The following PRICKLE2 variants were observed in gnomAD, a reference collection of about 807,000 sequenced individuals.
PRICKLE2 encodes prickle planar cell polarity protein 2.
In PRICKLE2, 21 loss-of-function variants were observed where a neutral mutation model predicts 81.4. The ratio of observed to expected loss-of-function variants is 0.26; its 90% CI spans 0.18 to 0.37. The LOEUF is 0.37. Ranked by LOEUF, PRICKLE2 falls within the 10% of genes least tolerant of loss-of-function variation. The pLI is 1.00. For missense variants in PRICKLE2, 940 were observed against 1,109.0 expected, an observed-to-expected ratio of 0.85 and a Z score of 2.16; for synonymous variants, 456 against 421.5, an observed-to-expected ratio of 1.08 and a Z score of -1.00.
At chr3:64,260,130 A>G (rs572599387) in intron 2 of PRICKLE2, among the ~76,000 whole-genome samples, 2 of 152,280 alleles carry the variant, frequency 1.3e-5, no homozygotes, top group East Asian at 3.9e-4. Context: ...TCCCTTATGA[A>G]TCTTTGAGAA....
At chr3:64,226,348 A>T (rs139211611), upstream of PRICKLE2, among the ~76,000 whole-genome samples, 410 of 152,316 alleles carry the variant, frequency 2.7e-3, 3 homozygotes, top group Middle Eastern at 0.02. Flanking sequence ...GAAGAAAGGA[A>T]TCTATACATT....
At position 64,147,663 on chromosome 3, in the gene PRICKLE2, C is replaced by T. The variant is rs752431623; in HGVS notation, c.827G>A (p.Trp276Ter). 6.2e-7 allele frequency: 1 copy of T among 1,613,974 alleles called. No homozygotes were observed. Among genetic ancestry groups the T allele is most frequent in the South Asian group, 1.1e-5 (1 of 91,084 alleles). The change falls in exon 7 of 8, where the codon TGG (tryptophan) becomes TAG (stop). Residue 276 changes from tryptophan (W) to a stop codon, truncating the protein, a stop_gained. Transcript: ENST00000638394. LOFTEE classifies it high-confidence loss of function. This position sits in a 1 kb window ranked among gnomAD's most constrained non-coding sequence, Gnocchi z 5.0. ...GCAGAAACAGGTCTCAGTGGCATGCCAGTGTTGGCCATCATAGGTCATTTG... is the reference window on the plus strand; with the variant it reads ...GCAGAAACAGGTCTCAGTGGCATGCTAGTGTTGGCCATCATAGGTCATTTG... ...QGQMTYDGQH[W>*]HATETCFCCA...
intron 7 of PRICKLE2, among the ~76,000 whole-genome samples, chr3:64,106,304 C>G (rs114168449): frequency 0.022 from 3,385 of 152,252 alleles, 57 homozygotes; most frequent in Non-Finnish European, 0.036. Context: ...GGCCAGTGAA[C>G]CAAATCCAGC....
intron 2 of PRICKLE2, chr3:64,163,331 T>C (rs948670498): frequency 2.8e-5 from 17 of 614,970 alleles, no homozygotes; most frequent in South Asian, 1.1e-4. Context: ...ATCATCCATA[T>C]CTGGGATTTT....
At chr3:64,117,553 A>G (rs1456861049) in intron 7 of PRICKLE2, among the ~76,000 whole-genome samples, 2 of 152,206 alleles carry the variant, frequency 1.3e-5, no homozygotes, top group African/African-American at 4.8e-5. Flanking sequence ...CCTATATACC[A>G]ACAATAGTCA....
upstream of PRICKLE2, among the ~76,000 whole-genome samples, chr3:64,226,268 T>C (rs1452646496): frequency 6.6e-6 from 1 of 152,196 alleles, no homozygotes; most frequent in Non-Finnish European, 1.5e-5. Context: ...GATAGAGCTT[T>C]TGTTGAATAC....
At chr3:64,117,871 C>CA (rs1559518877) in intron 7 of PRICKLE2, among the ~76,000 whole-genome samples, 1 of 151,862 alleles carries the variant, frequency 6.6e-6, no homozygotes, top group Non-Finnish European at 1.5e-5. Flanking sequence ...CATATGGAAA[C>CA]AAAAAAGAGC....
intron 2 of PRICKLE2, among the ~76,000 whole-genome samples, chr3:64,181,298 C>T (rs755760529): frequency 1.3e-5 from 2 of 152,082 alleles, no homozygotes; most frequent in Non-Finnish European, 2.9e-5. Flanking sequence ...GAGACAAGCA[C>T]TCAGCATCAA....
At chr3:64,195,211 G>A (rs892511104) in intron 2 of PRICKLE2, among the ~76,000 whole-genome samples, 1 of 152,150 alleles carries the variant, frequency 6.6e-6, no homozygotes, top group Admixed American at 6.5e-5. Context: ...GAGATCACAA[G>A]ATAAATGCCT....
chr3:64,171,119 G>C (rs367728349), intron 2 of PRICKLE2, among the ~76,000 whole-genome samples: 1 of 151,992 alleles, frequency 6.6e-6, no homozygotes, highest in East Asian at 1.9e-4. Flanking sequence ...CCATTCCCTC[G>C]GCCTGAAAGG....
chr3:64,200,403 T>C (rs1447714158), intron 1 of PRICKLE2: 1 of 152,246 alleles, frequency 6.6e-6, no homozygotes, highest in Non-Finnish European at 1.5e-5. Flanking sequence ...ATGGCTTTTA[T>C]GAATAATGAT....
At chr3:64,141,265 A>C (rs558480344) in intron 7 of PRICKLE2, among the ~76,000 whole-genome samples, 1 of 152,206 alleles carries the variant, frequency 6.6e-6, no homozygotes, top group Admixed American at 6.5e-5. Flanking sequence ...AGAATGCCCA[A>C]GTTTAAATTC....
chr3:64,168,014 G>C (rs965110642), intron 2 of PRICKLE2, among the ~76,000 whole-genome samples: 2 of 152,156 alleles, frequency 1.3e-5, no homozygotes, highest in African/African-American at 4.8e-5. Context: ...AGGAAGCCCA[G>C]AAAAGGGAAG....
chr3:64,203,744 G>A (rs540554254), intron 1 of PRICKLE2, among the ~76,000 whole-genome samples: 72 of 151,898 alleles, frequency 4.7e-4, no homozygotes, highest in Middle Eastern at 3.4e-3. Flanking sequence ...CGAGGTGGAT[G>A]GATCACTTGA....
chr3:64,117,100 C>T (rs1289402591), intron 7 of PRICKLE2, among the ~76,000 whole-genome samples: 1 of 152,118 alleles, frequency 6.6e-6, no homozygotes, highest in Non-Finnish European at 1.5e-5. Context: ...AGACGAAAAC[C>T]ATATGATTAT....
rs77153462 is a variant in PRICKLE2, at chr3:64,141,824, T to C, written c.1660+5006A>G. 34 of 985,174 alleles carry C rather than the reference T, an allele frequency of 3.5e-5. No homozygotes were observed. The East Asian group carries it at 3.6e-3, about 105-fold the overall frequency. 61.0% of individuals were successfully genotyped at this position (985,174 alleles called of 1,614,324 possible). On this transcript the variant is annotated intron_variant, in intron 7 of 7. Coordinates refer to ENST00000638394, the MANE Select transcript of PRICKLE2 (RefSeq NM_198859.4). The stretch of plus-strand genomic sequence containing the variant: ...TGCCAGATTAAACACTACAGACTTA[T>C]TCAATAACATAAGTTACTGACCATG...
chr3:64,206,167 G>A (rs554362823), intron 1 of PRICKLE2, among the ~76,000 whole-genome samples: 2 of 152,288 alleles, frequency 1.3e-5, no homozygotes, highest in African/African-American at 4.8e-5. Context: ...GGGAATAGTA[G>A]GATGTCCCAG....
chr3:64,134,745 C>T (rs545289758), intron 7 of PRICKLE2, among the ~76,000 whole-genome samples: 1 of 152,210 alleles, frequency 6.6e-6, no homozygotes, highest in Non-Finnish European at 1.5e-5. Flanking sequence ...TGAGTGTGTA[C>T]CTTAGGCAAA....
At chr3:64,183,141 C>A (rs1376177199) in intron 2 of PRICKLE2, among the ~76,000 whole-genome samples, 1 of 152,096 alleles carries the variant, frequency 6.6e-6, no homozygotes, top group African/African-American at 2.4e-5. Flanking sequence ...TGCAATTACT[C>A]ACCAAAAGAA....
Sources: allele counts gnomAD v4.1 joint callset (sites outside exome capture counted in the v4.1 genomes callset), GRCh38; gene constraint gnomAD v4.1.1; non-coding constraint Gnocchi (gnomAD v3.1); transcripts MANE v1.5; gene names NCBI Gene and HGNC (gene_info 2026-07-23, HGNC 2026-07-21).